The following PUDP variants were observed in gnomAD, a reference collection of about 807,000 sequenced individuals.
The protein encoded by PUDP is pseudouridine 5'-phosphatase.
A neutral mutation model predicts 9.4 loss-of-function variants in PUDP; 8 were observed. The ratio of observed to expected loss-of-function variants is 0.85; its 90% CI spans 0.50 to 1.53. The LOEUF (loss-of-function observed/expected upper bound fraction) is 1.53. Among genes scored for constraint, PUDP ranks in the 40% most tolerant of loss-of-function variants. PUDP has a pLI of 0.00. For missense variants in PUDP, 188 were observed against 189.7 expected (o/e 0.99, Z 0.05); for synonymous variants, 99 against 80.7 (o/e 1.23, Z -1.22).
At chrX:6,924,091 CGTTG>C (rs1928065028) in intron 3 of PUDP, among the ~76,000 whole-genome samples, 1 of 111,194 alleles carries the variant, frequency 9.0e-6, no homozygotes, top group African/African-American at 3.3e-5. Flanking sequence ...TTCCCAGACA[CGTTG>C]TGCAAAATGT....
At position 6,927,409 on chromosome X, in the gene PUDP, T is replaced by C. The variant is rs540603028; in HGVS notation, c.*247+49724A>G. ...TCCTTTAAAGAAAAGAACATTCTTA[T>C]ATTCCTTATCAGATAACGATGCTGT... On this transcript the variant is annotated intron_variant and NMD_transcript_variant, in intron 3 of 3. Coordinates refer to the PUDP transcript ENST00000655425. 1.2e-4 allele frequency among the ~76,000 whole-genome samples: 13 copies of C among 112,623 alleles called. No individual in the cohort carries two copies. In the South Asian group the frequency reaches 4.0e-3, roughly 35 times the overall value.
chrX:6,832,849 T>C (rs1205185191), intron 3 of PUDP, among the ~76,000 whole-genome samples: 1 of 111,808 alleles, frequency 8.9e-6, no homozygotes, highest in Non-Finnish European at 1.9e-5. Context: ...ATTCTGAATA[T>C]GCTGTGGAGG....
chrX:7,082,363 TC>T (rs1261793447), intron 2 of PUDP, among the ~76,000 whole-genome samples: 2 of 112,450 alleles, frequency 1.8e-5, no homozygotes, highest in African/African-American at 6.5e-5. Flanking sequence ...TCTCAGGTGT[TC>T]GTGGCATTCT....
At chrX:6,846,721 C>G (rs1926755131) in intron 3 of PUDP, among the ~76,000 whole-genome samples, 1 of 111,654 alleles carries the variant, frequency 9.0e-6, no homozygotes, top group Admixed American at 9.6e-5. Context: ...TACTGATGAG[C>G]TACTTTGTTC....
intron 3 of PUDP, among the ~76,000 whole-genome samples, chrX:6,729,501 A>G (rs1243363633): frequency 8.9e-6 from 1 of 112,380 alleles, no homozygotes; most frequent in African/African-American, 3.2e-5. Context: ...CTCAACATTG[A>G]CAAAATAAAC....
At chrX:7,107,967 C>T (rs1451527887) in intron 1 of PUDP, among the ~76,000 whole-genome samples, 2 of 112,485 alleles carry the variant, frequency 1.8e-5, no homozygotes, top group Non-Finnish European at 3.8e-5. Flanking sequence ...TCTTGTGAGC[C>T]GCTGCAATGG....
chrX:7,070,113 G>A (rs1300885004), intron 3 of PUDP, among the ~76,000 whole-genome samples: 2 of 111,905 alleles, frequency 1.8e-5, no homozygotes, highest in Non-Finnish European at 3.8e-5. Context: ...AGAGGGTAGA[G>A]GAAACACATT....
At chrX:7,090,139 G>A (rs1053006661) in intron 2 of PUDP, among the ~76,000 whole-genome samples, 4 of 111,156 alleles carry the variant, frequency 3.6e-5, no homozygotes, top group Non-Finnish European at 7.5e-5. Context: ...CTCTACAAGT[G>A]CTCAAATTAT....
chrX:6,750,069 C>G (rs1351229295), intron 3 of PUDP, among the ~76,000 whole-genome samples: 1 of 112,019 alleles, frequency 8.9e-6, no homozygotes, highest in Non-Finnish European at 1.9e-5. Flanking sequence ...ATGGTACACA[C>G]TCGTTGAACG....
In PUDP at chrX:6,731,925, A is replaced by G. The variant is rs1924814051; in HGVS notation, c.*248-25459T>C. ...TAATGTTAAATGCAGGAGAAGTTAC[A>G]ATATAACGACTGTAGACAGGTCCCA... is the stretch of plus-strand genomic sequence containing the variant. On this transcript the variant is annotated intron_variant and NMD_transcript_variant, in intron 3 of 3. Coordinates refer to the PUDP transcript ENST00000655425. Among the ~76,000 whole-genome samples, 4 of 111,997 alleles carry G rather than the reference A, an allele frequency of 3.6e-5. No homozygotes were observed. The Admixed American group carries it at 3.8e-4, about 11-fold the overall frequency.
intron 3 of PUDP, among the ~76,000 whole-genome samples, chrX:6,810,088 CAA>C (rs35475170): frequency 6.1e-4 from 61 of 99,265 alleles, no homozygotes; most frequent in African/African-American, 1.5e-3. Context: ...AAACGAAAAC[CAA>C]AAAAAAAAAA....
intron 3 of PUDP, among the ~76,000 whole-genome samples, chrX:6,776,004 G>GGAA (rs1394636209): frequency 8.9e-6 from 1 of 111,752 alleles, no homozygotes; most frequent in Non-Finnish European, 1.9e-5. Context: ...ACCTTACTGA[G>GGAA]GAAATGACAA....
At chrX:6,900,790 T>C (rs991383132) in intron 3 of PUDP, among the ~76,000 whole-genome samples, 3 of 107,928 alleles carry the variant, frequency 2.8e-5, no homozygotes, top group African/African-American at 1.0e-4. Context: ...TGTTTTGTTT[T>C]GTTTTTGAGA....
chrX:6,950,206 T>C (rs1239386481), intron 3 of PUDP, among the ~76,000 whole-genome samples: 1 of 103,898 alleles, frequency 9.6e-6, no homozygotes, highest in Non-Finnish European at 2.0e-5. Context: ...GGAGTGGTGG[T>C]GCATGCCTGT....
At chrX:6,927,196 A>T (rs1259923486) in intron 3 of PUDP, among the ~76,000 whole-genome samples, 1 of 110,656 alleles carries the variant, frequency 9.0e-6, no homozygotes, top group Non-Finnish European at 1.9e-5. Context: ...GGCCTCCCAA[A>T]GTGCTGGGAT....
chrX:6,777,948 G>A, intron 3 of PUDP, among the ~76,000 whole-genome samples: 1 of 112,077 alleles, frequency 8.9e-6, no homozygotes, highest in Non-Finnish European at 1.9e-5. Flanking sequence ...AGGTGCAAAT[G>A]AGCAATAGTC....
chrX:6,842,647 CT>C (rs1926689719), intron 3 of PUDP, among the ~76,000 whole-genome samples: 1 of 112,669 alleles, frequency 8.9e-6, no homozygotes, highest in Non-Finnish European at 1.9e-5. Flanking sequence ...AAATTCAAAA[CT>C]TGTATTTGAA....
At chrX:6,976,432 C>T (rs1602698397) in intron 3 of PUDP, among the ~76,000 whole-genome samples, 1 of 111,699 alleles carries the variant, frequency 9.0e-6, no homozygotes, top group East Asian at 2.8e-4. Flanking sequence ...CAGTCCCTCA[C>T]AGCTTCCCTT....
At chrX:6,815,032 A>G (rs1926205020) in intron 3 of PUDP, among the ~76,000 whole-genome samples, 1 of 111,407 alleles carries the variant, frequency 9.0e-6, no homozygotes, top group Admixed American at 9.6e-5. Flanking sequence ...GTTGCTATTC[A>G]TGATTGTTTC....
Sources: gnomAD v4.1 joint callset for allele counts (sites outside exome capture counted in the v4.1 genomes callset) on GRCh38, gnomAD v4.1.1 for gene constraint, MANE v1.5 for transcripts, NCBI Gene and HGNC (gene_info 2026-07-23, HGNC 2026-07-21) for gene names.